NEXN: variants seen among roughly 807,000 people sequenced by gnomAD.
The protein encoded by NEXN is nexilin F-actin binding protein.
Under a neutral mutation model 92.6 loss-of-function variants are expected in NEXN, and 65 were observed. That is an observed-to-expected ratio of 0.70 (90% CI 0.57 to 0.86). NEXN has a LOEUF of 0.86. Ranked by LOEUF, NEXN falls within the 40% of genes least tolerant of loss-of-function variation. The probability of loss-of-function intolerance (pLI) is 0.00; values close to 1 mark genes in which losing one functional copy is unlikely to be tolerated. For missense variants in NEXN, 778 were observed against 771.1 expected (o/e 1.01, Z -0.11); for synonymous variants, 254 against 242.5 (o/e 1.05, Z -0.44).
intron 11 of NEXN, chr1:77,941,799 T>G: frequency 5.7e-6 from 3 of 529,204 alleles, no homozygotes; most frequent in Non-Finnish European, 1.0e-5. Context: ...ATTGTGATCT[T>G]TACATTTGGA....
chr1:77,921,204 G>A (rs1316461014), intron 5 of NEXN, among the ~76,000 whole-genome samples: 1 of 152,066 alleles, frequency 6.6e-6, no homozygotes, highest in African/African-American at 2.4e-5. Flanking sequence ...AAACAACTTA[G>A]CCAGGAGGTG....
intron 1 of NEXN, among the ~76,000 whole-genome samples, chr1:77,890,284 A>T (rs564261654): frequency 6.6e-6 from 1 of 152,330 alleles, no homozygotes; most frequent in Admixed American, 6.5e-5. Context: ...TCCCTTAAAG[A>T]ATTCTAAGCT....
chr1:77,927,600 GTC>G (rs1491208221), intron 8 of NEXN, among the ~76,000 whole-genome samples: 14,101 of 59,722 alleles, frequency 0.24, 713 homozygotes, highest in South Asian at 0.32. Context: ...GTGTGTGTGT[GTC>G]TGTGTGTGTG....
chr1:77,932,208 G>A (rs963576111), intron 9 of NEXN, among the ~76,000 whole-genome samples: 1 of 152,200 alleles, frequency 6.6e-6, no homozygotes, highest in Non-Finnish European at 1.5e-5. Context: ...TTACAGGCAT[G>A]AGCCACTGTG....
chr1:77,916,381 G>T (rs893344674), intron 2 of NEXN, among the ~76,000 whole-genome samples: 3 of 152,150 alleles, frequency 2.0e-5, no homozygotes, highest in Non-Finnish European at 4.4e-5. Flanking sequence ...AAGTGGATGT[G>T]ATAGCTAGCA....
chr1:77,940,414 A>T (rs1459265212), intron 11 of NEXN, among the ~76,000 whole-genome samples: 1 of 152,188 alleles, frequency 6.6e-6, no homozygotes, highest in Non-Finnish European at 1.5e-5. Flanking sequence ...ACATGTTTTA[A>T]CCTGGCTTTT....
At chr1:77,942,246 C>T (rs781672507) in intron 12 of NEXN, 38 bp downstream of exon 12, 1 of 1,585,610 alleles carries the variant, frequency 6.3e-7, no homozygotes, top group Non-Finnish European at 8.7e-7. Context: ...CCAAAGATGC[C>T]CTCTTAAAAC....
At chr1:77,913,566 T>C (rs186171654) in intron 1 of NEXN, among the ~76,000 whole-genome samples, 2 of 152,132 alleles carry the variant, frequency 1.3e-5, no homozygotes, top group African/African-American at 4.8e-5. Context: ...TTCAAGGAAA[T>C]GCAAATAAAA....
At chr1:77,938,305 G>T (rs1650950406) in intron 11 of NEXN, among the ~76,000 whole-genome samples, 2 of 152,098 alleles carry the variant, frequency 1.3e-5, no homozygotes, top group African/African-American at 4.8e-5. Context: ...TTTTTAACAT[G>T]TTGGATCTGT....
At chr1:77,914,398 T>G (rs1012738707) in intron 1 of NEXN, among the ~76,000 whole-genome samples, 6 of 151,840 alleles carry the variant, frequency 4.0e-5, no homozygotes, top group African/African-American at 1.2e-4. Flanking sequence ...AATTTTGCTG[T>G]GAACCTAAAA....
chr1:77,929,642 T>C lies in NEXN; in HGVS notation c.1053+138T>C, dbSNP rs1433682143. 4 of 1,173,062 alleles carry C rather than the reference T, an allele frequency of 3.4e-6. No homozygotes were observed. The East Asian group carries it at 9.5e-5, about 28-fold the overall frequency. 72.7% of individuals were successfully genotyped at this position (1,173,062 alleles called of 1,614,324 possible). ...TAGAAATGGCAAATATGTTTTAAAG[T>C]CTCCCATGGAATAACACCAGTTGGT... On this transcript the variant is annotated intron_variant, in intron 9 of 12. Coordinates refer to ENST00000334785, the MANE Select transcript of NEXN (RefSeq NM_144573.4).
chr1:77,926,912 C>G lies in NEXN; in HGVS notation c.864+20C>G, dbSNP rs1261459716. 1 of 1,613,322 alleles carries G rather than the reference C, an allele frequency of 6.2e-7. No homozygotes were observed. The highest frequency in any genetic ancestry group is 8.5e-7 in the Non-Finnish European group (1 of 1,179,818). ...CAAATGGTAAATCTACATATTTAAA[C>G]CTTACAATTAATATTAATGAAGTTA... On this transcript the variant is annotated intron_variant, in intron 8 of 12. Coordinates refer to ENST00000334785, the MANE Select transcript of NEXN (RefSeq NM_144573.4).
chr1:77,889,841 T>C (rs889013092), intron 1 of NEXN, among the ~76,000 whole-genome samples: 2 of 152,250 alleles, frequency 1.3e-5, no homozygotes, highest in African/African-American at 4.8e-5. Flanking sequence ...CAGCGGCCCA[T>C]TGGCCTTCGA....
chr1:77,900,212 T>C (rs1276661867), intron 1 of NEXN, among the ~76,000 whole-genome samples: 3 of 152,190 alleles, frequency 2.0e-5, no homozygotes, highest in African/African-American at 7.2e-5. Flanking sequence ...TTGTTCATTC[T>C]GGTTCTTTTT....
At chr1:77,913,090 T>C (rs759846231) in intron 1 of NEXN, among the ~76,000 whole-genome samples, 2 of 152,192 alleles carry the variant, frequency 1.3e-5, no homozygotes, top group African/African-American at 4.8e-5. Flanking sequence ...CTTACAACTC[T>C]GTAATAAGAA....
At chr1:77,916,337 C>G (rs1303809938) in intron 2 of NEXN, among the ~76,000 whole-genome samples, 2 of 152,086 alleles carry the variant, frequency 1.3e-5, no homozygotes, top group Non-Finnish European at 2.9e-5. Context: ...GGAAATTCTA[C>G]AAAGCATGAG....
At chr1:77,923,624 T>C (rs1649613259) in intron 5 of NEXN, among the ~76,000 whole-genome samples, 1 of 152,062 alleles carries the variant, frequency 6.6e-6, no homozygotes, top group African/African-American at 2.4e-5. Context: ...ACATTAGTCT[T>C]CCTCTAAAGC....
chr1:77,933,098 T>G (rs1571149819), intron 9 of NEXN, 184 bp from the exon 10 acceptor site: 1 of 462,824 alleles, frequency 2.2e-6, no homozygotes, highest in Non-Finnish European at 3.9e-6. Context: ...GAGGCAGAGG[T>G]TGTAGTGAGC....
At chr1:77,890,665 TTGCTTAGAA>T (rs1316704575) in intron 1 of NEXN, among the ~76,000 whole-genome samples, 1 of 152,106 alleles carries the variant, frequency 6.6e-6, no homozygotes, top group African/African-American at 2.4e-5. Flanking sequence ...GGGATTCAGA[TTGCTTAGAA>T]TCTGAGCGGC....
Sources: allele counts gnomAD v4.1 joint callset (sites outside exome capture counted in the v4.1 genomes callset), GRCh38; gene constraint gnomAD v4.1.1; transcripts MANE v1.5; gene names NCBI Gene and HGNC (gene_info 2026-07-23, HGNC 2026-07-21).